Variants in KRT6B observed in about 807,000 individuals in gnomAD.
The protein encoded by KRT6B is keratin 6B, also known as keratin, type II cytoskeletal 6B.
Under a neutral mutation model 44.7 loss-of-function variants are expected in KRT6B, and 29 were observed. The observed-to-expected ratio is 0.65, with a 90% confidence interval of 0.48 to 0.88. The LOEUF is 0.88. Ranked by LOEUF, KRT6B falls within the 40% of genes least tolerant of loss-of-function variation. The pLI is 0.00. For missense variants in KRT6B, 600 were observed against 724.0 expected, an observed-to-expected ratio of 0.83 and a Z score of 1.97; for synonymous variants, 213 against 296.0, an observed-to-expected ratio of 0.72 and a Z score of 2.88.
chr12:52,447,884 C>A lies in KRT6B; in HGVS notation c.1318G>T (p.Asp440Tyr). The change falls in exon 7 of 9, where the codon GAC (aspartate) becomes TAC (tyrosine). Residue 440 changes from aspartate (D) to tyrosine (Y), a missense_variant. Transcript: ENST00000252252. ...LEDALQKAKQ[D>Y]LARLLKEYQE... ...TACTCCTTCAGCAGCCGGGCCAGGT[C>A]CTGCTTGGCCTTCTGCAGGGCATCC... 6.2e-7 allele frequency: 1 copy of A among 1,614,214 alleles called. No homozygotes were observed.
Position 52,446,656 on chromosome 12 carries a change from A to T in KRT6B, c.*534T>A, listed in dbSNP as rs553678436. On this transcript the variant is annotated 3_prime_UTR_variant, in exon 9 of 9. Transcript: ENST00000252252. ...ATACAATCTAACACAACATGTTCAC[A>T]TTCTCAATATGCTTTATTCAACAGA... The T allele has an allele frequency of 6.1e-6, 1 of 164,294 alleles. No individual in the cohort carries two copies. The highest frequency in any genetic ancestry group is 1.3e-5 in the Non-Finnish European group (1 of 74,214). 10.2% of individuals were successfully genotyped at this position (164,294 alleles called of 1,614,324 possible).
chr12:52,450,638 T>C lies in KRT6B; in HGVS notation c.541-18A>G. 1 of 1,614,038 alleles carries C rather than the reference T, an allele frequency of 6.2e-7. No homozygotes were observed. Among genetic ancestry groups the C allele is most frequent in the Non-Finnish European group, 8.5e-7 (1 of 1,179,928 alleles). Reference sequence around the variant, plus strand: ...AACCGCACCTGGAGGGGAAGCAAAATGGTCATTTTCCAGGAAAAGGAAGGC... The same window carrying C: ...AACCGCACCTGGAGGGGAAGCAAAACGGTCATTTTCCAGGAAAAGGAAGGC... On this transcript the variant is annotated intron_variant, in intron 1 of 8. Transcript: ENST00000252252.
chr12:52,449,688 C>T, intron 4 of KRT6B, 55 bp from the exon 5 acceptor site: 2 of 1,614,106 alleles, frequency 1.2e-6, no homozygotes, highest in African/African-American at 1.3e-5. Context: ...ACAGAGATGC[C>T]CAGCCCTGTA....
At position 52,451,999 on chromosome 12, in the gene KRT6B, C is replaced by G; in HGVS notation, c.80G>C (p.Gly27Ala). The G allele has an allele frequency of 1.9e-6, 3 of 1,613,754 alleles. No homozygotes were observed. Among genetic ancestry groups the G allele is most frequent in the African/African-American group, 2.7e-5 (2 of 75,056 alleles). Reference sequence around the variant, plus strand: ...GCTGCTGAAGCCAGAGCGGCTGACCCCAGGGAGCCTGGCTGAGTTGGCACT... The same window carrying G: ...GCTGCTGAAGCCAGAGCGGCTGACCGCAGGGAGCCTGGCTGAGTTGGCACT... Reference protein sequence around the residue: ...GFSANSARLPGVSRSGFSSIS... With the variant: ...GFSANSARLPAVSRSGFSSIS... The change falls in exon 1 of 9, where the codon GGG becomes GCG. Residue 27 changes from glycine (G) to alanine (A), a missense_variant. Gly to Ala is a moderately conservative substitution (Grantham distance 60, BLOSUM62 0). Around this residue, in one of 4 missense-constraint regions of KRT6B, gnomAD observed 78 missense variants for 97.5 expected, o/e 0.80. Transcript: ENST00000252252.
Position 52,447,509 on chromosome 12 carries a change from C to G in KRT6B, c.1459+30G>C, listed in dbSNP as rs776607776. On this transcript the variant is annotated intron_variant, in intron 8 of 8. Coordinates refer to ENST00000252252, the MANE Select transcript of KRT6B (RefSeq NM_005555.4). ...GAGCCCAGTCAGGAGAGTGCAAGGG[C>G]AGGGGAGGAAGGCAAACAAAGGTAC... 2.5e-6 allele frequency: 4 copies of G among 1,614,030 alleles called. No homozygotes were observed. In the Admixed American group the frequency reaches 5.0e-5, roughly 20 times the overall value.
chr12:52,447,493 C>T lies in KRT6B; in HGVS notation c.1459+46G>A, dbSNP rs1416785084. On this transcript the variant is annotated intron_variant, in intron 8 of 8. Coordinates refer to ENST00000252252, the MANE Select transcript of KRT6B (RefSeq NM_005555.4). ...TTCATCCTGCCGGCCTGAGCCCAGT[C>T]AGGAGAGTGCAAGGGCAGGGGAGGA... 3 of 1,613,850 alleles carry T rather than the reference C, an allele frequency of 1.9e-6. No individual in the cohort carries two copies. In the African/African-American group the frequency reaches 4.0e-5, roughly 22 times the overall value.
intron 2 of KRT6B, 90 bp from the exon 3 acceptor site, chr12:52,450,162 A>T: frequency 6.2e-7 from 1 of 1,609,118 alleles, no homozygotes; most frequent in Non-Finnish European, 8.5e-7. Context: ...CCTGAATGGA[A>T]TATATTCTAA....
Position 52,446,819 on chromosome 12 carries a change from C to CTCGGTGGTCGCCG in KRT6B, c.*370_*371insCGGCGACCACCGA. 1 of 312,930 alleles carries CTCGGTGGTCGCCG rather than the reference C, an allele frequency of 3.2e-6. No homozygotes were observed. The highest frequency in any genetic ancestry group is 6.0e-6 in the Non-Finnish European group (1 of 166,634). 19.4% of individuals were successfully genotyped at this position (312,930 alleles called of 1,614,324 possible). A position where few individuals can be genotyped will look rare whatever the true frequency, so the allele number is the denominator to read the frequency against. On this transcript the variant is annotated 3_prime_UTR_variant, in exon 9 of 9. Coordinates refer to ENST00000252252, the MANE Select transcript of KRT6B (RefSeq NM_005555.4). ...GTCAGATGAGAACTCCTGAGTGTAGCTATAATGGGCAGGATGGTTAGCAAT... is the reference window on the plus strand; with the variant it reads ...GTCAGATGAGAACTCCTGAGTGTAGCTCGGTGGTCGCCGTATAATGGGCAGGATGGTTAGCAAT...
intron 6 of KRT6B, among the ~76,000 whole-genome samples, chr12:52,448,468 C>T (rs1362537906): frequency 6.6e-5 from 10 of 152,288 alleles, no homozygotes; most frequent in Admixed American, 1.3e-4. Context: ...GTTTCACTTG[C>T]TTTTTCACCG....
At position 52,450,054 on chromosome 12, in the gene KRT6B, G is replaced by C. The variant is rs1005186725; in HGVS notation, c.774C>G (p.Asn258Lys). The C allele has an allele frequency of 2.2e-5, 35 of 1,613,842 alleles. No homozygotes were observed. The highest frequency in any genetic ancestry group is 3.0e-5 in the Non-Finnish European group (35 of 1,179,868). The change falls in exon 3 of 9, where the codon AAC becomes AAG. Residue 258 changes from asparagine to lysine, a missense_variant. Asn to Lys is a moderately conservative substitution (Grantham distance 94). Around this residue, in one of 4 missense-constraint regions of KRT6B, gnomAD observed 479 missense variants for 454.2 expected, o/e 1.05. Transcript: ENST00000252252. ...ATTCATTCTCTGCTGCTGTGCGCTT[G>C]TTGATTTCATCCTCATATCTACAGG... Reference protein sequence around the residue: ...DLKNKYEDEINKRTAAENEFV... With the variant: ...DLKNKYEDEIKKRTAAENEFV...
intron 2 of KRT6B, 73 bp downstream of exon 2, chr12:52,450,333 G>C: frequency 6.4e-7 from 1 of 1,550,644 alleles, no homozygotes; most frequent in Non-Finnish European, 8.9e-7. Flanking sequence ...TGGGTTGTTA[G>C]GAATCCTACA....
Position 52,447,409 on chromosome 12 carries a change from G to T in KRT6B, c.1476C>A (p.Thr492=). ...TGGCACCGCCATAGCCACTGGAGAC[G>T]GTGGACTGCACTACAGCTGTGGTGG... ...GQVNISVVQS[T]VSSGYGGASG... Residue 492 remains threonine, a synonymous_variant, in exon 9 of 9, where the codon ACC becomes ACA. Transcript: ENST00000252252. The T allele has an allele frequency of 6.2e-7, 1 of 1,614,058 alleles. No homozygotes were observed. Among genetic ancestry groups the T allele is most frequent in the Non-Finnish European group, 8.5e-7 (1 of 1,179,946 alleles).
chr12:52,447,564 G>A lies in KRT6B; in HGVS notation c.1434C>T (p.Gly478=), dbSNP rs753121763. ...LLEGEECRLN[G]EGVGQVNISV... Reference sequence around the variant, plus strand: ...AGATGTTGACTTGTCCAACGCCTTCGCCATTCAGCCTGTGGAGAGGAACAC... The same window carrying A: ...AGATGTTGACTTGTCCAACGCCTTCACCATTCAGCCTGTGGAGAGGAACAC... The change falls in exon 8 of 9, where the codon GGC becomes GGT. Residue 478 remains glycine (G), a synonymous_variant. Coordinates refer to ENST00000252252, the MANE Select transcript of KRT6B (RefSeq NM_005555.4). 1.3e-5 allele frequency: 21 copies of A among 1,613,868 alleles called. No individual in the cohort carries two copies. The East Asian group carries it at 2.0e-4, about 15-fold the overall frequency.
intron 6 of KRT6B, 117 bp downstream of exon 6, chr12:52,448,724 CT>C: frequency 1.9e-6 from 3 of 1,546,066 alleles, no homozygotes; most frequent in Non-Finnish European, 1.8e-6. Context: ...AACTGCATGT[CT>C]TTCCTTCTCT....
rs371478761 is a variant in KRT6B, at chr12:52,449,787, T to G, written c.883A>C (p.Ile295Leu). Residue 295 changes from isoleucine to leucine, a missense_variant, in exon 4 of 9, where the codon ATC (isoleucine) becomes CTC (leucine). Physicochemically the swap from Ile to Leu is conservative, Grantham distance 5. Transcript: ENST00000252252. ...TCATACAAGGCTCTCAGGAAGTTGATCTCATCTGTAAGAGTGTCTGCCTTG... is the reference window on the plus strand; with the variant it reads ...TCATACAAGGCTCTCAGGAAGTTGAGCTCATCTGTAAGAGTGTCTGCCTTG... Reference protein sequence around the residue: ...QAKADTLTDEINFLRALYDAE... With the variant: ...QAKADTLTDELNFLRALYDAE... 1.9e-6 allele frequency: 3 copies of G among 1,614,000 alleles called. No individual in the cohort carries two copies. The highest frequency in any genetic ancestry group is 2.7e-5 in the African/African-American group (2 of 75,042).
intron 5 of KRT6B, 63 bp downstream of exon 5, chr12:52,449,406 C>T: frequency 6.2e-7 from 1 of 1,611,218 alleles, no homozygotes; most frequent in Non-Finnish European, 8.5e-7. Flanking sequence ...GTGAAGTCTG[C>T]AGTCCTCTGG....
At position 52,452,109 on chromosome 12, in the gene KRT6B, T is replaced by A; in HGVS notation, c.-31A>T. 6.2e-7 allele frequency: 1 copy of A among 1,613,296 alleles called. No homozygotes were observed. The highest frequency in any genetic ancestry group is 8.5e-7 in the Non-Finnish European group (1 of 1,179,792). ...CAGGAGATGAGAGGGCTTAGGAGAG[T>A]GTGAGAGGCTGGAGGCGAGAGGGAG... On this transcript the variant is annotated 5_prime_UTR_variant, in exon 1 of 9. Coordinates refer to ENST00000252252, the MANE Select transcript of KRT6B (RefSeq NM_005555.4).
Position 52,452,091 on chromosome 12 carries a change from T to C in KRT6B, c.-13A>G. On this transcript the variant is annotated 5_prime_UTR_variant, in exon 1 of 9. Coordinates refer to ENST00000252252, the MANE Select transcript of KRT6B (RefSeq NM_005555.4). Reference sequence around the variant, plus strand: ...ATGTGCTGGCCATGGTTCCAGGAGATGAGAGGGCTTAGGAGAGTGTGAGAG... The same window carrying C: ...ATGTGCTGGCCATGGTTCCAGGAGACGAGAGGGCTTAGGAGAGTGTGAGAG... The C allele has an allele frequency of 1.2e-6, 2 of 1,613,880 alleles. No individual in the cohort carries two copies. Among genetic ancestry groups the C allele is most frequent in the East Asian group, 2.2e-5 (1 of 44,856 alleles).
In KRT6B at chr12:52,449,625, G is replaced by A; in HGVS notation, c.921C>T (p.Ser307=). Reference sequence around the variant, plus strand: ...TGTCTGAGATGTGGGTCTGCATCTGGGACAGCTCCTGCAGAACAGAAGGTC... The same window carrying A: ...TGTCTGAGATGTGGGTCTGCATCTGAGACAGCTCCTGCAGAACAGAAGGTC... ...FLRALYDAEL[S]QMQTHISDTS... is the part of the protein sequence containing the mutation. The change falls in exon 5 of 9, where the codon TCC becomes TCT. Residue 307 remains serine (S), a synonymous_variant. Coordinates refer to ENST00000252252, the MANE Select transcript of KRT6B (RefSeq NM_005555.4). 1 of 1,614,144 alleles carries A rather than the reference G, an allele frequency of 6.2e-7. No individual in the cohort carries two copies. Among genetic ancestry groups the A allele is most frequent in the Non-Finnish European group, 8.5e-7 (1 of 1,180,016 alleles).
Sources: allele counts gnomAD v4.1 joint callset (sites outside exome capture counted in the v4.1 genomes callset), GRCh38; gene constraint gnomAD v4.1.1; regional missense constraint gnomAD v4.1.1; transcripts MANE v1.5; gene names NCBI Gene and HGNC (gene_info 2026-07-23, HGNC 2026-07-21).